The following SLC35D4 variants were observed in gnomAD, a reference collection of about 807,000 sequenced individuals.
SLC35D4 encodes solute carrier family 35 member D4, also known as UDP-N-acetylglucosamine transporter SLC35D4.
At chr18:23,372,269 C>A in the SLC35D4 span, among the ~76,000 whole-genome samples, 1 of 152,170 alleles carries the variant, frequency 6.6e-6, no homozygotes, top group South Asian at 2.1e-4. Context: ...TCTCTCCCTG[C>A]CCTCCCCTCT....
chr18:23,391,762 C>T, the SLC35D4 span, among the ~76,000 whole-genome samples: 188 of 152,276 alleles, frequency 1.2e-3, 1 homozygote, highest in African/African-American at 4.2e-3. Flanking sequence ...TCTGGGATTA[C>T]AGGCATGGGC....
chr18:23,377,648 A>C, the SLC35D4 span: 4 of 1,580,364 alleles, frequency 2.5e-6, no homozygotes, highest in Non-Finnish European at 3.4e-6. Flanking sequence ...AAACTTACCT[A>C]CAGATCTTTG....
the SLC35D4 span, among the ~76,000 whole-genome samples, chr18:23,425,413 T>C: frequency 6.6e-6 from 1 of 152,194 alleles, no homozygotes; most frequent in African/African-American, 2.4e-5. Context: ...AAAAATGACT[T>C]TATACAGATG....
chr18:23,253,753 T>G, the SLC35D4 span: 1 of 1,614,174 alleles, frequency 6.2e-7, no homozygotes, highest in East Asian at 2.2e-5. Flanking sequence ...TGCGGAAGCT[T>G]GCGCAGGAGG....
At chr18:23,238,678 G>A in the SLC35D4 span, among the ~76,000 whole-genome samples, 4 of 152,244 alleles carry the variant, frequency 2.6e-5, no homozygotes, top group African/African-American at 2.4e-5. Flanking sequence ...GATGCTTTAT[G>A]TGGTTCACTG....
chr18:23,433,207 G>A, the SLC35D4 span, among the ~76,000 whole-genome samples: 3 of 151,698 alleles, frequency 2.0e-5, no homozygotes, highest in Non-Finnish European at 4.4e-5. Flanking sequence ...CTACAGGCAC[G>A]CACCACCATG....
chr18:23,384,005 G>GA, the SLC35D4 span, among the ~76,000 whole-genome samples: 7 of 137,970 alleles, frequency 5.1e-5, no homozygotes, highest in Admixed American at 2.2e-4. Flanking sequence ...AAAAATTGGG[G>GA]GGGGGGGGTG....
chr18:23,303,794 G>A, the SLC35D4 span, among the ~76,000 whole-genome samples: 1 of 152,116 alleles, frequency 6.6e-6, no homozygotes, highest in East Asian at 1.9e-4. Flanking sequence ...CCAGCCATTT[G>A]GGAAGCTGAG....
At chr18:23,300,329 T>A in the SLC35D4 span, among the ~76,000 whole-genome samples, 2 of 152,192 alleles carry the variant, frequency 1.3e-5, no homozygotes, top group Non-Finnish European at 2.9e-5. Context: ...CACGACCGGA[T>A]GCAAGGGCTG....
At chr18:23,338,394 A>G in the SLC35D4 span, among the ~76,000 whole-genome samples, 1 of 152,178 alleles carries the variant, frequency 6.6e-6, no homozygotes, top group Non-Finnish European at 1.5e-5. Flanking sequence ...GAGAATTAAA[A>G]CAGCAGATTG....
chr18:23,349,320 A>G, the SLC35D4 span, among the ~76,000 whole-genome samples: 8 of 152,064 alleles, frequency 5.3e-5, no homozygotes, highest in Non-Finnish European at 1.2e-4. Context: ...CTCTGTTCAC[A>G]TTTCTTCAAT....
chr18:23,255,894 T>TATAAAATTGTAACAGATATG, the SLC35D4 span, among the ~76,000 whole-genome samples: 1 of 151,932 alleles, frequency 6.6e-6, no homozygotes, highest in African/African-American at 2.4e-5. Context: ...TAACAGATAT[T>TATAAAATTGTAACAGATATG]TATAAAATTA....
the SLC35D4 span, among the ~76,000 whole-genome samples, chr18:23,368,913 G>A: frequency 8.5e-5 from 13 of 152,130 alleles, no homozygotes; most frequent in Non-Finnish European, 1.3e-4. Context: ...CCAGTTACTA[G>A]TTCATTTTAA....
At chr18:23,301,273 G>T in the SLC35D4 span, among the ~76,000 whole-genome samples, 8 of 152,266 alleles carry the variant, frequency 5.3e-5, no homozygotes, top group East Asian at 1.5e-3. Flanking sequence ...TATTGAGAAG[G>T]CCCTTCTTAC....
At chr18:23,254,048 GC>G in the SLC35D4 span, 1 of 842,176 alleles carries the variant, frequency 1.2e-6, no homozygotes, top group East Asian at 2.6e-5. Context: ...TCCTTAGTCA[GC>G]AATTGAGGTG....
the SLC35D4 span, among the ~76,000 whole-genome samples, chr18:23,427,862 C>T: frequency 2.0e-5 from 3 of 152,142 alleles, no homozygotes; most frequent in African/African-American, 7.2e-5. Context: ...AGTTCATGTC[C>T]TTTGTAGGGA....
At chr18:23,375,324 C>T in the SLC35D4 span, among the ~76,000 whole-genome samples, 2,173 of 151,944 alleles carry the variant, frequency 0.014, 17 homozygotes, top group Non-Finnish European at 0.022. Flanking sequence ...GAAGTGGAGT[C>T]ATGACCTCTA....
At chr18:23,343,914 T>TAAA in the SLC35D4 span, among the ~76,000 whole-genome samples, 1 of 152,032 alleles carries the variant, frequency 6.6e-6, no homozygotes, top group Non-Finnish European at 1.5e-5. Flanking sequence ...TTTTTTTTTT[T>TAAA]TGAGATGGAG....
the SLC35D4 span, among the ~76,000 whole-genome samples, chr18:23,364,500 C>T: frequency 6.6e-6 from 1 of 152,162 alleles, no homozygotes; most frequent in African/African-American, 2.4e-5. Flanking sequence ...CTTTTGGCAT[C>T]AATTTCAAAG....
Sources: allele counts gnomAD v4.1 joint callset (sites outside exome capture counted in the v4.1 genomes callset), GRCh38; gene constraint gnomAD v4.1.1; transcripts MANE v1.5; gene names NCBI Gene and HGNC (gene_info 2026-07-23, HGNC 2026-07-21).